The following CDKAL1 variants were observed in gnomAD, a reference collection of about 807,000 sequenced individuals.
CDKAL1 encodes threonylcarbamoyladenosine tRNA methylthiotransferase.
In CDKAL1, 32 loss-of-function variants were observed where a neutral mutation model predicts 68.2. The observed-to-expected ratio is 0.47, with a 90% CI of 0.35 to 0.63. The LOEUF (loss-of-function observed/expected upper bound fraction) is 0.63. CDKAL1 is among the 30% of genes least tolerant of loss of function. The pLI is 0.00. For missense variants in CDKAL1, 606 were observed against 696.7 expected, an observed-to-expected ratio of 0.87 and a Z score of 1.47; for synonymous variants, 234 against 244.3, an observed-to-expected ratio of 0.96 and a Z score of 0.39.
chr6:20,604,697 G>A (rs567024759), intron 4 of CDKAL1, among the ~76,000 whole-genome samples: 1 of 152,258 alleles, frequency 6.6e-6, no homozygotes, highest in South Asian at 2.1e-4. Flanking sequence ...AGGTAGAATG[G>A]CTTACTGAAT....
At chr6:21,131,937 G>C (rs1242617823) in intron 13 of CDKAL1, among the ~76,000 whole-genome samples, 5 of 151,982 alleles carry the variant, frequency 3.3e-5, no homozygotes, top group African/African-American at 1.2e-4. Flanking sequence ...ACTTTAAAAT[G>C]AAAACATCAT....
At position 21,167,958 on chromosome 6, in the gene CDKAL1, T is replaced by C. The variant is rs114916098; in HGVS notation, c.1300-30063T>C. Among the ~76,000 whole-genome samples the C allele has an allele frequency of 7.8e-3, 1,184 of 152,212 alleles. 15 individuals carry two copies. The highest frequency in any genetic ancestry group is 0.027 in the African/African-American group (1,124 of 41,516). On this transcript the variant is annotated intron_variant, in intron 13 of 15. Transcript: ENST00000274695. Reference sequence around the variant, plus strand: ...AAGTAGACGTGCACACCCAAGAAAGTATACTAAATTATAAACAGCTTTGCA... The same window carrying C: ...AAGTAGACGTGCACACCCAAGAAAGCATACTAAATTATAAACAGCTTTGCA...
intron 5 of CDKAL1, among the ~76,000 whole-genome samples, chr6:20,689,313 A>G (rs956670669): frequency 1.3e-5 from 2 of 152,150 alleles, no homozygotes; most frequent in African/African-American, 4.8e-5. Flanking sequence ...AGTTGTCCAC[A>G]CTGAGCCTCC....
chr6:20,826,542 A>G (rs1241834815), intron 8 of CDKAL1, among the ~76,000 whole-genome samples: 4 of 151,968 alleles, frequency 2.6e-5, no homozygotes. Flanking sequence ...CGCACATGGT[A>G]TTTCTTGCTT....
chr6:21,193,740 C>T (rs1254804979), intron 13 of CDKAL1, among the ~76,000 whole-genome samples: 2 of 152,180 alleles, frequency 1.3e-5, no homozygotes, highest in Non-Finnish European at 2.9e-5. Context: ...CATTGTCCAT[C>T]CATCACTTTC....
At chr6:20,734,444 G>A (rs1170353958) in intron 5 of CDKAL1, among the ~76,000 whole-genome samples, 1 of 151,978 alleles carries the variant, frequency 6.6e-6, no homozygotes, top group East Asian at 1.9e-4. Context: ...TTCATATTTT[G>A]CAGGATAAAA....
chr6:21,179,906 A>G (rs902133459), intron 13 of CDKAL1, among the ~76,000 whole-genome samples: 2 of 152,162 alleles, frequency 1.3e-5, no homozygotes, highest in Admixed American at 6.5e-5. Context: ...CTGTAGTCCC[A>G]GGTACTTGTG....
At chr6:21,214,819 C>T (rs1055322025) in intron 15 of CDKAL1, among the ~76,000 whole-genome samples, 1 of 152,040 alleles carries the variant, frequency 6.6e-6, no homozygotes, top group Non-Finnish European at 1.5e-5. Context: ...CCTTTGTGTC[C>T]TTAATGACTA....
intron 12 of CDKAL1, 140 bp downstream of exon 12, chr6:21,065,368 G>A (rs1055215795): frequency 3.1e-6 from 2 of 650,144 alleles, no homozygotes; most frequent in Admixed American, 3.5e-5. Context: ...TGGGGTCAGG[G>A]GCCAGGGGGC....
chr6:21,131,746 G>A (rs1263715974), intron 13 of CDKAL1, among the ~76,000 whole-genome samples: 4 of 152,130 alleles, frequency 2.6e-5, no homozygotes, highest in Non-Finnish European at 5.9e-5. Flanking sequence ...AGTTTTCATC[G>A]ATTTGAAGTA....
intron 4 of CDKAL1, among the ~76,000 whole-genome samples, chr6:20,640,286 A>G (rs1326384082): frequency 6.6e-6 from 1 of 152,224 alleles, no homozygotes; most frequent in Non-Finnish European, 1.5e-5. Flanking sequence ...ACTTAAATCC[A>G]TGAATAGACT....
chr6:20,969,720 A>T (rs1445010977), intron 10 of CDKAL1, among the ~76,000 whole-genome samples: 1 of 152,182 alleles, frequency 6.6e-6, no homozygotes, highest in Non-Finnish European at 1.5e-5. Context: ...GGAATGCTCC[A>T]TCAGGTAGCT....
At chr6:20,692,102 C>G (rs575666463) in intron 5 of CDKAL1, among the ~76,000 whole-genome samples, 8 of 152,280 alleles carry the variant, frequency 5.3e-5, no homozygotes, top group Admixed American at 5.2e-4. Context: ...GACATTTTGA[C>G]ATTTACATAA....
chr6:20,544,377 C>A (rs575094652), intron 2 of CDKAL1, among the ~76,000 whole-genome samples: 1 of 151,394 alleles, frequency 6.6e-6, no homozygotes, highest in African/African-American at 2.4e-5. Context: ...ACGGGCGGAT[C>A]GCGAGGTCAG....
intron 11 of CDKAL1, among the ~76,000 whole-genome samples, chr6:21,009,025 A>G (rs896497690): frequency 6.6e-6 from 1 of 152,254 alleles, no homozygotes; most frequent in Non-Finnish European, 1.5e-5. Context: ...AGCCTATAAT[A>G]TGTTGAAATC....
intron 8 of CDKAL1, among the ~76,000 whole-genome samples, chr6:20,797,760 C>CTTTAGTTTAT (rs1776168565): frequency 1.8e-4 from 22 of 119,438 alleles, no homozygotes; most frequent in African/African-American, 7.1e-4. Context: ...TGATTGATTG[C>CTTTAGTTTAT]TTTATTTTAT....
At chr6:21,096,375 A>T (rs1773316245) in intron 12 of CDKAL1, among the ~76,000 whole-genome samples, 1 of 152,184 alleles carries the variant, frequency 6.6e-6, no homozygotes. Context: ...GCATTAATAG[A>T]GTTTGCGCAG....
chr6:21,139,106 C>T (rs376855067), intron 13 of CDKAL1, among the ~76,000 whole-genome samples: 1 of 152,210 alleles, frequency 6.6e-6, no homozygotes, highest in African/African-American at 2.4e-5. Context: ...AAAGTATTAG[C>T]TACTAATTGT....
At chr6:20,645,764 AAATAATTTT>A (rs1344047447) in intron 4 of CDKAL1, among the ~76,000 whole-genome samples, 10 of 124,684 alleles carry the variant, frequency 8.0e-5, no homozygotes, top group South Asian at 2.8e-4. Flanking sequence ...AAAAATAAAT[AAATAATTTT>A]ATTTTATTTA....
Sources: allele counts gnomAD v4.1 joint callset (sites outside exome capture counted in the v4.1 genomes callset), GRCh38; gene constraint gnomAD v4.1.1; transcripts MANE v1.5; gene names NCBI Gene and HGNC (gene_info 2026-07-23, HGNC 2026-07-21).